The following CPN1 variants were observed in gnomAD, a reference collection of about 807,000 sequenced individuals.
CPN1 encodes carboxypeptidase N subunit 1, also known as carboxypeptidase N catalytic chain.
Under a neutral mutation model 46.4 loss-of-function variants are expected in CPN1, and 37 were observed. That is an observed-to-expected ratio of 0.80 (90% CI 0.61 to 1.05). The LOEUF is 1.05. Ranked by LOEUF, CPN1 falls within the 50% of genes least tolerant of loss-of-function variation. CPN1 has a pLI of 0.00. For missense variants in CPN1, 563 were observed against 602.6 expected, an observed-to-expected ratio of 0.93 and a Z score of 0.69; for synonymous variants, 224 against 235.4, an observed-to-expected ratio of 0.95 and a Z score of 0.44.
At chr10:100,069,212 G>A (rs928211255) in intron 3 of CPN1, among the ~76,000 whole-genome samples, 1 of 152,084 alleles carries the variant, frequency 6.6e-6, no homozygotes, top group Non-Finnish European at 1.5e-5. Flanking sequence ...AACCAGGCAC[G>A]GTGGCTCACG....
intron 8 of CPN1, among the ~76,000 whole-genome samples, chr10:100,048,247 T>C (rs1355586103): frequency 6.6e-6 from 1 of 152,126 alleles, no homozygotes; most frequent in East Asian, 1.9e-4. Flanking sequence ...TTTAAATCAC[T>C]ATGCTATGTT....
chr10:100,072,857 C>G (rs766372421), intron 2 of CPN1, among the ~76,000 whole-genome samples: 2 of 152,108 alleles, frequency 1.3e-5, no homozygotes, highest in African/African-American at 2.4e-5. Flanking sequence ...TGTTAAAAGG[C>G]TCATTCAAAA....
At chr10:100,076,555 T>C (rs1175063597) in intron 1 of CPN1, among the ~76,000 whole-genome samples, 2 of 152,240 alleles carry the variant, frequency 1.3e-5, no homozygotes, top group Non-Finnish European at 2.9e-5. Context: ...GATAAGGATG[T>C]TCCCCAGAAC....
intron 6 of CPN1, among the ~76,000 whole-genome samples, chr10:100,056,085 GA>G (rs1351663185): frequency 6.6e-6 from 1 of 152,074 alleles, no homozygotes; most frequent in Non-Finnish European, 1.5e-5. Flanking sequence ...TTTTCATAAT[GA>G]TTGTACCACT....
At chr10:100,043,135 G>A (rs1472671275) in intron 8 of CPN1, among the ~76,000 whole-genome samples, 1 of 148,144 alleles carries the variant, frequency 6.8e-6, no homozygotes, top group African/African-American at 2.5e-5. Context: ...GGGCATGGTG[G>A]CTGTAATCCT....
chr10:100,042,366 C>T lies in CPN1; in HGVS notation c.*61G>A. On this transcript the variant is annotated 3_prime_UTR_variant, in exon 9 of 9. Transcript: ENST00000370418. ...CCCAGATAATAAAATAGAAAGAATGCTTGATCTGATCTGAGAGCAGGAGCA... is the reference window on the plus strand; with the variant it reads ...CCCAGATAATAAAATAGAAAGAATGTTTGATCTGATCTGAGAGCAGGAGCA... 1 of 1,599,246 alleles carries T rather than the reference C, an allele frequency of 6.3e-7. No individual in the cohort carries two copies. The highest frequency in any genetic ancestry group is 8.6e-7 in the Non-Finnish European group (1 of 1,168,586).
At chr10:100,069,207 G>A (rs948031246) in intron 3 of CPN1, among the ~76,000 whole-genome samples, 2 of 152,192 alleles carry the variant, frequency 1.3e-5, no homozygotes, top group African/African-American at 4.8e-5. Flanking sequence ...CATTTAACCA[G>A]GCACGGTGGC....
At chr10:100,042,605 C>A in intron 8 of CPN1, 32 bp from the exon 9 acceptor site, 1 of 1,613,218 alleles carries the variant, frequency 6.2e-7, no homozygotes, top group Non-Finnish European at 8.5e-7. Context: ...CTACGAGATC[C>A]GTTTGGACCA....
chr10:100,059,837 C>T (rs906829712), intron 5 of CPN1, among the ~76,000 whole-genome samples: 1 of 152,080 alleles, frequency 6.6e-6, no homozygotes, highest in Non-Finnish European at 1.5e-5. Context: ...GTGAAAGCAA[C>T]CCAAGTGTCC....
At chr10:100,047,331 A>G (rs1264060427) in intron 8 of CPN1, among the ~76,000 whole-genome samples, 2 of 151,982 alleles carry the variant, frequency 1.3e-5, no homozygotes, top group Non-Finnish European at 2.9e-5. Flanking sequence ...GAAGAAAGAG[A>G]GGAGGAGGAG....
intron 5 of CPN1, among the ~76,000 whole-genome samples, chr10:100,061,693 G>T (rs2041419317): frequency 6.6e-6 from 1 of 151,976 alleles, no homozygotes. Context: ...GGATGGAGAG[G>T]GAGAGGGAGG....
At chr10:100,071,417 C>T (rs2041484332) in intron 2 of CPN1, among the ~76,000 whole-genome samples, 1 of 152,118 alleles carries the variant, frequency 6.6e-6, no homozygotes. Flanking sequence ...CATTCTTTGG[C>T]TCTTAGACCC....
chr10:100,059,052 A>T (rs750486321), intron 5 of CPN1, among the ~76,000 whole-genome samples: 9 of 152,206 alleles, frequency 5.9e-5, no homozygotes, highest in Non-Finnish European at 1.2e-4. Context: ...TGGATTGGCA[A>T]CCTAAACGTA....
Position 100,046,168 on chromosome 10 carries a change from AAGCAAG to A in CPN1, c.1230+2584_1230+2589del, listed in dbSNP as rs1363528451. 3.9e-5 allele frequency among the ~76,000 whole-genome samples: 6 copies of A among 152,330 alleles called. No homozygotes were observed. In the East Asian group the frequency reaches 1.2e-3, roughly 29 times the overall value. ...GCTGGCTTTTTGCGGCATGAGTGGA[AAGCAAG>A]ATCAGGGCCCAGGGAGCACCAGAAG... On this transcript the variant is annotated intron_variant, in intron 8 of 8. Transcript: ENST00000370418.
intron 2 of CPN1, among the ~76,000 whole-genome samples, chr10:100,070,864 G>A (rs374951292): frequency 2.7e-4 from 41 of 152,226 alleles, no homozygotes; most frequent in African/African-American, 8.7e-4. Context: ...GTATGTTTAC[G>A]GAGTTGTATA....
chr10:100,069,678 G>A (rs1442422025), intron 3 of CPN1, 36 bp downstream of exon 3: 1 of 1,613,394 alleles, frequency 6.2e-7, no homozygotes, highest in Non-Finnish European at 8.5e-7. Context: ...TCCAGATGCT[G>A]ATTTACCTGC....
At chr10:100,043,107 AAAG>A (rs1312133609) in intron 8 of CPN1, among the ~76,000 whole-genome samples, 12 of 149,790 alleles carry the variant, frequency 8.0e-5, no homozygotes, top group African/African-American at 2.7e-4. Flanking sequence ...AAAAAAAAAA[AAAG>A]AAAAAAATTA....
chr10:100,055,831 C>A (rs1476595547), intron 6 of CPN1, among the ~76,000 whole-genome samples: 1 of 152,186 alleles, frequency 6.6e-6, no homozygotes, highest in African/African-American at 2.4e-5. Context: ...GAGACAATTT[C>A]TTTCCTTTTT....
chr10:100,069,383 A>G (rs2041471929), intron 3 of CPN1, among the ~76,000 whole-genome samples: 1 of 152,036 alleles, frequency 6.6e-6, no homozygotes, highest in Non-Finnish European at 1.5e-5. Context: ...CAGGAGGCTG[A>G]GGCAGGAGAA....
Sources: gnomAD v4.1 joint callset for allele counts (sites outside exome capture counted in the v4.1 genomes callset) on GRCh38, gnomAD v4.1.1 for gene constraint, MANE v1.5 for transcripts, NCBI Gene and HGNC (gene_info 2026-07-23, HGNC 2026-07-21) for gene names.